Variants in RAD51B observed in about 807,000 individuals in gnomAD.
RAD51B encodes DNA repair protein RAD51 homolog 2.
RAD51B carries 38 observed loss-of-function variants against 42.2 expected under a neutral mutation model. The observed-to-expected ratio is 0.90, with a 90% confidence interval of 0.70 to 1.18. The LOEUF (loss-of-function observed/expected upper bound fraction) is 1.18. Ranked by LOEUF, RAD51B falls within the 50% of genes most tolerant of loss-of-function variation. The pLI is 0.00. For synonymous variants in RAD51B, 154 were observed against 145.2 expected (o/e 1.06, Z -0.43); for missense variants, 373 against 400.7 (o/e 0.93, Z 0.59).
intron 8 of RAD51B, among the ~76,000 whole-genome samples, chr14:68,353,965 C>T (rs965425499): frequency 6.6e-6 from 1 of 152,176 alleles, no homozygotes; most frequent in African/African-American, 2.4e-5. Flanking sequence ...TGTATACGTT[C>T]CACCTGTGAT....
intron 9 of RAD51B, among the ~76,000 whole-genome samples, chr14:68,449,133 A>G (rs2085494141): frequency 6.6e-6 from 1 of 152,226 alleles, no homozygotes; most frequent in African/African-American, 2.4e-5. Flanking sequence ...AGTTAAGAGG[A>G]TAACATAAAA....
At chr14:68,379,126 C>T (rs1345814023) in intron 8 of RAD51B, among the ~76,000 whole-genome samples, 1 of 152,156 alleles carries the variant, frequency 6.6e-6, no homozygotes, top group East Asian at 1.9e-4. Flanking sequence ...ATTGCCAGGC[C>T]TTGCTCAGTC....
chr14:68,564,513 G>T lies in RAD51B; in HGVS notation c.1037-29972G>T, dbSNP rs188862468. ...TGCCCTTCCCCAGAGAGGAAGCCGA[G>T]TGCAGGCCTGAGCGGGCAGCTGGGG... On this transcript the variant is annotated intron_variant, in intron 10 of 10. Coordinates refer to the RAD51B transcript ENST00000487270. 1.7e-3 allele frequency among the ~76,000 whole-genome samples: 266 copies of T among 152,328 alleles called. 4 individuals are homozygous for T. The highest frequency in any genetic ancestry group is 9.1e-4 in the Non-Finnish European group (62 of 68,028).
intron 5 of RAD51B, among the ~76,000 whole-genome samples, chr14:67,879,369 G>A (rs187962640): frequency 7.2e-4 from 110 of 152,216 alleles, no homozygotes; most frequent in Non-Finnish European, 1.1e-3. Flanking sequence ...ATAGATTAGT[G>A]TTTGATTGAA....
At chr14:68,133,655 G>A (rs1378312671) in intron 7 of RAD51B, among the ~76,000 whole-genome samples, 6 of 151,990 alleles carry the variant, frequency 3.9e-5, no homozygotes, top group Non-Finnish European at 8.8e-5. Flanking sequence ...TATTTTTTTA[G>A]TAGAGACGGA....
intron 7 of RAD51B, among the ~76,000 whole-genome samples, chr14:67,992,035 G>A (rs1265032621): frequency 6.6e-6 from 1 of 152,148 alleles, no homozygotes; most frequent in Non-Finnish European, 1.5e-5. Context: ...TCAAAAAAAT[G>A]CATTGTGATC....
At chr14:68,014,795 A>C (rs1185738147) in intron 7 of RAD51B, among the ~76,000 whole-genome samples, 2 of 151,228 alleles carry the variant, frequency 1.3e-5, no homozygotes, top group African/African-American at 4.9e-5. Context: ...GGAATACGTA[A>C]TTTAGGAGCA....
chr14:68,542,353 C>A (rs1033745185), intron 10 of RAD51B, among the ~76,000 whole-genome samples: 4 of 152,128 alleles, frequency 2.6e-5, no homozygotes, highest in African/African-American at 7.2e-5. Flanking sequence ...TGCTATTATT[C>A]TTATTATTTG....
chr14:67,893,452 A>T (rs926147824), intron 7 of RAD51B, among the ~76,000 whole-genome samples: 10 of 136,500 alleles, frequency 7.3e-5, no homozygotes, highest in African/African-American at 2.8e-4. Flanking sequence ...TCATCTTCTC[A>T]CACACACAGA....
intron 10 of RAD51B, among the ~76,000 whole-genome samples, chr14:68,548,164 G>A (rs1487474975): frequency 6.6e-6 from 1 of 152,120 alleles, no homozygotes; most frequent in Admixed American, 6.6e-5. Context: ...TTCTAAGAAG[G>A]CTGAGATACC....
intron 7 of RAD51B, among the ~76,000 whole-genome samples, chr14:67,932,675 G>C (rs1321426177): frequency 6.6e-6 from 1 of 152,136 alleles, no homozygotes; most frequent in African/African-American, 2.4e-5. Flanking sequence ...GTCCCAAGCA[G>C]TATGTGCTAA....
At chr14:68,585,229 T>G (rs1245486397) in intron 10 of RAD51B, among the ~76,000 whole-genome samples, 1 of 152,236 alleles carries the variant, frequency 6.6e-6, no homozygotes, top group Non-Finnish European at 1.5e-5. Flanking sequence ...CTAGATTTTC[T>G]CAGACCAGCC....
At chr14:68,496,147 C>T (rs73280303) in intron 10 of RAD51B, among the ~76,000 whole-genome samples, 1 of 152,196 alleles carries the variant, frequency 6.6e-6, no homozygotes, top group African/African-American at 2.4e-5. Context: ...AATTACTTAA[C>T]CTTTTTGAAC....
At chr14:68,595,398 A>G in exon 11 of RAD51B, 3 of 1,066,502 alleles carry the variant, frequency 2.8e-6, no homozygotes, top group African/African-American at 1.6e-5. Flanking sequence ...TAATGCATCC[A>G]TGAACAAATG....
intron 7 of RAD51B, among the ~76,000 whole-genome samples, chr14:67,982,920 C>A (rs1362325985): frequency 6.6e-6 from 1 of 151,932 alleles, no homozygotes; most frequent in Non-Finnish European, 1.5e-5. Context: ...AAAAAATTAG[C>A]CAGGCATGGT....
chr14:68,442,734 C>T (rs1026143081), intron 9 of RAD51B, among the ~76,000 whole-genome samples: 8 of 151,924 alleles, frequency 5.3e-5, no homozygotes, highest in African/African-American at 1.4e-4. Context: ...CCACTACACC[C>T]GGCCGGTGCA....
intron 10 of RAD51B, among the ~76,000 whole-genome samples, chr14:68,546,169 A>G (rs1888223533): frequency 6.6e-6 from 1 of 152,186 alleles, no homozygotes. Context: ...AGTTGTCTCC[A>G]GTTGATACCA....
At chr14:68,098,516 A>G (rs1178664047) in intron 7 of RAD51B, among the ~76,000 whole-genome samples, 2 of 152,348 alleles carry the variant, frequency 1.3e-5, no homozygotes, top group Admixed American at 6.5e-5. Flanking sequence ...CCTAAGAACC[A>G]TGGTGGGAGA....
chr14:68,305,437 A>G, intron 8 of RAD51B, among the ~76,000 whole-genome samples: 1 of 152,234 alleles, frequency 6.6e-6, no homozygotes, highest in East Asian at 1.9e-4. Context: ...TAATGAAGCT[A>G]AACTTTACAT....
Sources: gnomAD v4.1 joint callset for allele counts (sites outside exome capture counted in the v4.1 genomes callset) on GRCh38, gnomAD v4.1.1 for gene constraint, MANE v1.5 for transcripts, NCBI Gene and HGNC (gene_info 2026-07-23, HGNC 2026-07-21) for gene names.